The following PACRGL variants were observed in gnomAD, a reference collection of about 807,000 sequenced individuals.
The protein encoded by PACRGL is PACRG-like protein.
PACRGL carries 38 observed loss-of-function variants against 34.5 expected under a neutral mutation model. The observed-to-expected ratio is 1.10, with a 90% CI of 0.85 to 1.44. PACRGL has a LOEUF of 1.44. Among genes scored for constraint, PACRGL ranks in the 40% most tolerant of loss-of-function variants. PACRGL has a pLI of 0.00. For synonymous variants in PACRGL, 128 were observed against 100.1 expected (o/e 1.28, Z -1.66); for missense variants, 305 against 281.4 (o/e 1.08, Z -0.60).
chr4:20,718,415 C>T (rs1005881663), intron 7 of PACRGL, among the ~76,000 whole-genome samples: 3 of 152,124 alleles, frequency 2.0e-5, no homozygotes, highest in African/African-American at 7.2e-5. Context: ...TGCCAGTTTT[C>T]AAAGGGAATG....
downstream of PACRGL, among the ~76,000 whole-genome samples, chr4:20,734,181 G>T (rs1280145126): frequency 1.3e-5 from 2 of 152,150 alleles, no homozygotes; most frequent in African/African-American, 4.8e-5. Context: ...TGTGAACCTT[G>T]TTTCCTGGAT....
Position 20,729,353 on chromosome 4 carries a change from T to TAAGA in PACRGL, c.*2017_*2020dup, listed in dbSNP as rs900083012. ...GATTGATACAATAGAAAACAGCCTG[T>TAAGA]AAGAAAGATTGAACAAATCCAAAAT... On this transcript the variant is annotated 3_prime_UTR_variant, in exon 9 of 9. Coordinates refer to ENST00000503585, the MANE Select transcript of PACRGL (RefSeq NM_001258345.3). 7 of 151,870 alleles carry TAAGA rather than the reference T, an allele frequency of 4.6e-5. No homozygotes were observed. The highest frequency in any genetic ancestry group is 2.3e-4 in the South Asian group (1 of 4,390). The allele number at this position is 151,870 out of a possible 1,614,324, so 9.4% of individuals were successfully genotyped here.
chr4:20,752,240 G>C (rs535027451), intron 8 of PACRGL, among the ~76,000 whole-genome samples: 150 of 151,762 alleles, frequency 9.9e-4, no homozygotes, highest in African/African-American at 3.4e-3. Flanking sequence ...TGTATGTTTA[G>C]TAGAGACAGG....
chr4:20,712,884 T>C lies in PACRGL; in HGVS notation c.463T>C (p.Leu155=). 1 of 1,605,328 alleles carries C rather than the reference T, an allele frequency of 6.2e-7. No homozygotes were observed. The highest frequency in any genetic ancestry group is 8.5e-7 in the Non-Finnish European group (1 of 1,174,790). The part of the protein sequence containing the change: ...VKGAPEKAIP[L]LPRLIPVLKA... The stretch of plus-strand genomic sequence containing the variant: ...AGGTGCTCCTGAAAAAGCTATTCCT[T>C]TGCTACCTAGACTGATTCCTGTGCT... The change falls in exon 6 of 9, where the codon TTG becomes CTG. Residue 155 remains leucine, a synonymous_variant. Transcript: ENST00000503585.
intron 1 of PACRGL, chr4:20,702,106 CTCAT>C (rs1732440751): frequency 2.2e-6 from 1 of 452,002 alleles, no homozygotes; most frequent in Non-Finnish European, 4.4e-6. Context: ...ACTTTTTGAA[CTCAT>C]TCAAAATATA....
intron 8 of PACRGL, among the ~76,000 whole-genome samples, chr4:20,743,016 AG>A (rs1314820060): frequency 2.0e-5 from 2 of 99,254 alleles, no homozygotes; most frequent in Non-Finnish European, 4.0e-5. Flanking sequence ...TGGGATGTGA[AG>A]GACCCTTATA....
chr4:20,702,093 G>A (rs752488644), intron 1 of PACRGL: 13 of 448,566 alleles, frequency 2.9e-5, no homozygotes, highest in Non-Finnish European at 5.4e-5. Flanking sequence ...ATGAGTTTTG[G>A]TGACTTTTTG....
chr4:20,729,943 T>A lies in PACRGL; in HGVS notation c.*2602T>A, dbSNP rs1578395152. 1 of 1,006,022 alleles carries A rather than the reference T, an allele frequency of 9.9e-7. No homozygotes were observed. Among genetic ancestry groups the A allele is most frequent in the East Asian group, 2.9e-5 (1 of 34,358 alleles). The allele number at this position is 1,006,022 out of a possible 1,614,324, so 62.3% of individuals were successfully genotyped here. On this transcript the variant is annotated 3_prime_UTR_variant, in exon 9 of 9. Coordinates refer to ENST00000503585, the MANE Select transcript of PACRGL (RefSeq NM_001258345.3). ...AAAGCTCAAATCTTTTGGGGATTGCTTTATATTAAAACAAAGCTTGTTTGC... is the reference window on the plus strand; with the variant it reads ...AAAGCTCAAATCTTTTGGGGATTGCATTATATTAAAACAAAGCTTGTTTGC...
chr4:20,723,790 C>T (rs1485994376), intron 7 of PACRGL, among the ~76,000 whole-genome samples: 1 of 152,040 alleles, frequency 6.6e-6, no homozygotes, highest in Non-Finnish European at 1.5e-5. Context: ...TTTGGGAAGA[C>T]CTAGACACCA....
At chr4:20,751,032 G>A (rs1246885892) in intron 8 of PACRGL, among the ~76,000 whole-genome samples, 2 of 152,140 alleles carry the variant, frequency 1.3e-5, no homozygotes, top group Non-Finnish European at 2.9e-5. Flanking sequence ...CAGGGCTCAC[G>A]GCCTCCTTAC....
intron 7 of PACRGL, among the ~76,000 whole-genome samples, chr4:20,721,396 G>A (rs1379323205): frequency 6.6e-6 from 1 of 152,112 alleles, no homozygotes; most frequent in Non-Finnish European, 1.5e-5. Flanking sequence ...AGGGGGAGAG[G>A]CGCTTTGATT....
chr4:20,731,889 T>G lies in PACRGL; in HGVS notation c.*4548T>G. 1 of 1,480,064 alleles carries G rather than the reference T, an allele frequency of 6.8e-7. No homozygotes were observed. Among genetic ancestry groups the G allele is most frequent in the South Asian group, 1.4e-5 (1 of 71,608 alleles). 91.7% of individuals were successfully genotyped at this position (1,480,064 alleles called of 1,614,324 possible). A position where few individuals can be genotyped will look rare whatever the true frequency, so the allele number is the denominator to read the frequency against. On this transcript the variant is annotated 3_prime_UTR_variant, in exon 9 of 9. Coordinates refer to ENST00000503585, the MANE Select transcript of PACRGL (RefSeq NM_001258345.3). ...AGGCTTATGCTGCATGTTGTAGAAGTGGTAAACTTAGGCATATGATCTCTA... is the reference window on the plus strand; with the variant it reads ...AGGCTTATGCTGCATGTTGTAGAAGGGGTAAACTTAGGCATATGATCTCTA...
At chr4:20,717,827 G>A (rs1046580764) in intron 7 of PACRGL, among the ~76,000 whole-genome samples, 1 of 151,238 alleles carries the variant, frequency 6.6e-6, no homozygotes, top group Non-Finnish European at 1.5e-5. Flanking sequence ...GCTCTTTTTT[G>A]TTTCCATATG....
At chr4:20,758,805 C>T in the PACRGL span, 1 of 1,598,304 alleles carries the variant, frequency 6.3e-7, no homozygotes, top group African/African-American at 1.3e-5. Flanking sequence ...GTTAACAAGT[C>T]CACATTTGTA....
chr4:20,721,153 C>T (rs891112223), intron 7 of PACRGL, among the ~76,000 whole-genome samples: 7 of 152,260 alleles, frequency 4.6e-5, no homozygotes, highest in Admixed American at 3.9e-4. Context: ...ATGTAGTTCT[C>T]GTGCCATGGT....
intron 1 of PACRGL, 126 bp from the exon 2 acceptor site, chr4:20,704,340 T>C: frequency 1.3e-6 from 1 of 763,696 alleles, no homozygotes; most frequent in Non-Finnish European, 2.1e-6. Context: ...AGTATTTTGC[T>C]CCATATCAAC....
intron 1 of PACRGL, among the ~76,000 whole-genome samples, 181 bp downstream of exon 1, chr4:20,700,968 A>G (rs558115906): frequency 6.6e-6 from 1 of 152,158 alleles, no homozygotes; most frequent in African/African-American, 2.4e-5. Flanking sequence ...CCCTAAGCAG[A>G]TTGTGCGACC....
intron 7 of PACRGL, among the ~76,000 whole-genome samples, chr4:20,723,717 G>T (rs573937361): frequency 2.0e-5 from 3 of 152,280 alleles, no homozygotes; most frequent in African/African-American, 7.2e-5. Context: ...CCTCCTCAGA[G>T]CTCTGCTTTT....
chr4:20,766,129 AT>A, the PACRGL span, among the ~76,000 whole-genome samples: 7 of 152,194 alleles, frequency 4.6e-5, no homozygotes, highest in African/African-American at 1.7e-4. Context: ...TTTTACATGG[AT>A]TATCTCGTGG....
Sources: gnomAD v4.1 joint callset for allele counts (sites outside exome capture counted in the v4.1 genomes callset) on GRCh38, gnomAD v4.1.1 for gene constraint, MANE v1.5 for transcripts, NCBI Gene and HGNC (gene_info 2026-07-23, HGNC 2026-07-21) for gene names.